MYT1L: variants seen among roughly 807,000 people sequenced by gnomAD.
The protein encoded by MYT1L is myelin transcription factor 1 like, also known as myelin transcription factor 1-like protein.
A neutral mutation model predicts 126.7 loss-of-function variants in MYT1L; 12 were observed. The observed-to-expected ratio is 0.09, with a 90% CI of 0.06 to 0.15. The LOEUF is 0.15. Among genes scored for constraint, MYT1L ranks in the 10% least tolerant of loss-of-function variants. The pLI is 1.00. For synonymous variants in MYT1L, 541 were observed against 604.2 expected, an observed-to-expected ratio of 0.90 and a Z score of 1.53; for missense variants, 979 against 1,585.2, an observed-to-expected ratio of 0.62 and a Z score of 6.49.
intron 3 of MYT1L, among the ~76,000 whole-genome samples, chr2:2,170,533 A>G (rs1015754893): frequency 2.0e-5 from 3 of 152,244 alleles, no homozygotes; most frequent in African/African-American, 7.2e-5. Flanking sequence ...TTGGCCCACC[A>G]GGTCTATGTA....
At chr2:2,179,109 A>G (rs1328019520) in intron 2 of MYT1L, among the ~76,000 whole-genome samples, 1 of 152,090 alleles carries the variant, frequency 6.6e-6, no homozygotes, top group Non-Finnish European at 1.5e-5. Flanking sequence ...GCGAACGAAC[A>G]CCCAATGCCC....
At chr2:1,897,572 C>T (rs1170813284) in intron 14 of MYT1L, among the ~76,000 whole-genome samples, 3 of 152,088 alleles carry the variant, frequency 2.0e-5, no homozygotes, top group African/African-American at 4.8e-5. Flanking sequence ...ACGTGATTCT[C>T]TTGCCTCAGC....
chr2:1,839,563 T>C (rs2041373878), intron 20 of MYT1L, among the ~76,000 whole-genome samples, 193 bp from the exon 21 acceptor site: 1 of 152,216 alleles, frequency 6.6e-6, no homozygotes, highest in Non-Finnish European at 1.5e-5. Context: ...ACTGAACTGT[T>C]TCCCCTGCGC....
chr2:1,854,750 G>A (rs1425230477), intron 18 of MYT1L, among the ~76,000 whole-genome samples: 1 of 152,178 alleles, frequency 6.6e-6, no homozygotes, highest in Non-Finnish European at 1.5e-5. Context: ...CTTGCTAGCC[G>A]CGTGAATGAA....
intron 2 of MYT1L, among the ~76,000 whole-genome samples, chr2:2,189,869 C>A (rs145816166): frequency 6.6e-6 from 1 of 150,618 alleles, no homozygotes; most frequent in Non-Finnish European, 1.5e-5. Flanking sequence ...CAGGACCGCA[C>A]GGGGAGAAGC....
At chr2:2,194,594 G>A (rs2092720031) in intron 2 of MYT1L, among the ~76,000 whole-genome samples, 1 of 152,140 alleles carries the variant, frequency 6.6e-6, no homozygotes, top group African/African-American at 2.4e-5. Flanking sequence ...GGGGAGACTT[G>A]TCCTGCTCCT....
At chr2:2,225,767 A>AG (rs1234243220) in intron 2 of MYT1L, among the ~76,000 whole-genome samples, 2 of 152,164 alleles carry the variant, frequency 1.3e-5, no homozygotes, top group African/African-American at 2.4e-5. Context: ...TGTAAAAAAA[A>AG]ATATCATGGA....
intron 1 of MYT1L, among the ~76,000 whole-genome samples, chr2:2,308,233 G>A (rs567879951): frequency 1.3e-4 from 19 of 143,478 alleles, no homozygotes; most frequent in African/African-American, 4.7e-4. Context: ...CTCCACCTAC[G>A]CTTCGGTATA....
intron 3 of MYT1L, among the ~76,000 whole-genome samples, chr2:2,152,545 G>A (rs765838033): frequency 9.2e-5 from 14 of 152,112 alleles, no homozygotes; most frequent in African/African-American, 1.7e-4. Context: ...TGCAGGAGAC[G>A]ATTACATGGT....
chr2:2,116,349 T>C (rs777875621), intron 3 of MYT1L, among the ~76,000 whole-genome samples: 5 of 152,228 alleles, frequency 3.3e-5, no homozygotes, highest in African/African-American at 4.8e-5. Flanking sequence ...CAAATACAGA[T>C]GTTCTTCCCA....
intron 3 of MYT1L, among the ~76,000 whole-genome samples, chr2:2,143,793 G>C (rs1041966599): frequency 6.6e-6 from 1 of 152,088 alleles, no homozygotes; most frequent in Non-Finnish European, 1.5e-5. Flanking sequence ...TCAAAAGAAC[G>C]AAATCGTGTC....
chr2:2,202,816 C>CA (rs1243879009), intron 2 of MYT1L, among the ~76,000 whole-genome samples: 1 of 152,048 alleles, frequency 6.6e-6, no homozygotes, highest in African/African-American at 2.4e-5. Flanking sequence ...AGAGACACAA[C>CA]AAAAAAAGAG....
At chr2:1,844,251 C>T (rs1487167961) in intron 19 of MYT1L, among the ~76,000 whole-genome samples, 7 of 152,158 alleles carry the variant, frequency 4.6e-5, no homozygotes, top group Non-Finnish European at 1.0e-4. Flanking sequence ...CAGGGCCCCC[C>T]GCAGCACCCT....
intron 3 of MYT1L, among the ~76,000 whole-genome samples, chr2:2,170,521 T>C (rs1377159533): frequency 6.6e-6 from 1 of 152,208 alleles, no homozygotes; most frequent in African/African-American, 2.4e-5. Flanking sequence ...TACAAAAAAA[T>C]GTTGGCCCAC....
intron 3 of MYT1L, among the ~76,000 whole-genome samples, chr2:2,132,833 G>C (rs2082556641): frequency 6.6e-6 from 1 of 152,102 alleles, no homozygotes; most frequent in Non-Finnish European, 1.5e-5. Context: ...AAAAAATTAA[G>C]TCCTTTCAAG....
At chr2:2,172,175 CAGGCAGCAGCCACT>C (rs2090140511) in intron 3 of MYT1L, among the ~76,000 whole-genome samples, 1 of 152,104 alleles carries the variant, frequency 6.6e-6, no homozygotes, top group African/African-American at 2.4e-5. Flanking sequence ...TATGTGCTGC[CAGGCAGCAGCCACT>C]AGGTATGCGC....
chr2:1,945,044 G>A (rs2149274144), intron 8 of MYT1L, among the ~76,000 whole-genome samples: 1 of 152,308 alleles, frequency 6.6e-6, no homozygotes, highest in East Asian at 1.9e-4. Context: ...ATCTGCGAAA[G>A]ACATGAACAT....
chr2:2,306,800 C>A (rs2095864953), intron 1 of MYT1L, among the ~76,000 whole-genome samples: 1 of 152,142 alleles, frequency 6.6e-6, no homozygotes, highest in Non-Finnish European at 1.5e-5. Context: ...CAACTATGTC[C>A]AACATTTCTG....
Position 1,934,727 on chromosome 2 carries a change from TACACACAC to T in MYT1L, c.505+8247_505+8254del, listed in dbSNP as rs56320658. On this transcript the variant is annotated intron_variant, in intron 9 of 24. Transcript: ENST00000647738. ...CCCCCTACCCCCTGTCTCTGTCATG[TACACACAC>T]ACACACACACACACACACACACACA... Among the ~76,000 whole-genome samples, 469 of 138,374 alleles carry T rather than the reference TACACACAC, an allele frequency of 3.4e-3. 3 individuals are homozygous for T. Among genetic ancestry groups the T allele is most frequent in the Middle Eastern group, 0.014 (4 of 280 alleles). 90.8% of individuals were successfully genotyped at this position (138,374 alleles called of 152,430 possible). A position where few individuals can be genotyped will look rare whatever the true frequency, so the allele number is the denominator to read the frequency against.
Sources: gnomAD v4.1 joint callset for allele counts (sites outside exome capture counted in the v4.1 genomes callset) on GRCh38, gnomAD v4.1.1 for gene constraint, MANE v1.5 for transcripts, NCBI Gene and HGNC (gene_info 2026-07-23, HGNC 2026-07-21) for gene names.